Variants in MSR1 observed in about 807,000 individuals in gnomAD.
The protein encoded by MSR1 is macrophage scavenger receptor types I and II.
Under a neutral mutation model 47.2 loss-of-function variants are expected in MSR1, and 53 were observed. The observed-to-expected ratio is 1.12, with a 90% CI of 0.90 to 1.41. The LOEUF (loss-of-function observed/expected upper bound fraction) is 1.41. MSR1 is among the 40% of genes most tolerant of loss of function. The pLI, the probability that MSR1 is intolerant of heterozygous loss-of-function variation, is 0.00. For synonymous variants in MSR1, 239 were observed against 185.6 expected (o/e 1.29, Z -2.34); for missense variants, 786 against 546.9 (o/e 1.44, Z -4.36).
At chr8:16,164,842 T>G (rs1386545391) in intron 4 of MSR1, among the ~76,000 whole-genome samples, 3 of 152,060 alleles carry the variant, frequency 2.0e-5, no homozygotes, top group African/African-American at 7.2e-5. Context: ...GTATATTTTG[T>G]GTATATTTAT....
chr8:16,146,882 C>T (rs1352181658), intron 7 of MSR1, among the ~76,000 whole-genome samples: 4 of 152,136 alleles, frequency 2.6e-5, no homozygotes, highest in African/African-American at 9.7e-5. Flanking sequence ...ACTTCAGACT[C>T]ATGTGTTCAA....
intron 8 of MSR1, 133 bp from the exon 9 acceptor site, chr8:16,120,739 G>A: frequency 9.1e-7 from 1 of 1,103,938 alleles, no homozygotes; most frequent in Non-Finnish European, 1.3e-6. Context: ...TTCAACTATT[G>A]GAATAAATAT....
At chr8:16,168,964 C>A in intron 3 of MSR1, 94 bp from the exon 4 acceptor site, 1 of 1,254,878 alleles carries the variant, frequency 8.0e-7, no homozygotes, top group South Asian at 1.3e-5. Flanking sequence ...TCATTTTATT[C>A]CATTCCATTC....
At chr8:16,180,187 T>C (rs1000181117) in intron 1 of MSR1, among the ~76,000 whole-genome samples, 2 of 152,000 alleles carry the variant, frequency 1.3e-5, no homozygotes, top group African/African-American at 4.8e-5. Context: ...TCTCATTCAC[T>C]CTTTCACTTT....
chr8:16,132,227 G>C (rs939394415), intron 8 of MSR1, among the ~76,000 whole-genome samples: 1 of 151,770 alleles, frequency 6.6e-6, no homozygotes, highest in Non-Finnish European at 1.5e-5. Context: ...TGTATTCCTA[G>C]GAATTTTATT....
chr8:16,189,990 C>T (rs1802149247), intron 1 of MSR1, among the ~76,000 whole-genome samples: 1 of 144,244 alleles, frequency 6.9e-6, no homozygotes, highest in Non-Finnish European at 1.5e-5. Context: ...TCTCAGCTGA[C>T]TGAAACCTCT....
At chr8:16,134,885 T>C (rs1022913640) in intron 8 of MSR1, among the ~76,000 whole-genome samples, 1 of 152,174 alleles carries the variant, frequency 6.6e-6, no homozygotes, top group Non-Finnish European at 1.5e-5. Context: ...AAAATAACCA[T>C]GACACTCACT....
intron 8 of MSR1, among the ~76,000 whole-genome samples, chr8:16,143,212 G>T (rs567720761): frequency 6.6e-6 from 1 of 152,116 alleles, no homozygotes; most frequent in Non-Finnish European, 1.5e-5. Flanking sequence ...GTTTCATTTA[G>T]TAAGGAAGGA....
chr8:16,173,793 C>T lies in MSR1; in HGVS notation c.217+1394G>A, dbSNP rs374533807. ...CCTCCCGAGTAGCTGGGACTACAGG[C>T]ACCCGCCACCACTCCTGGCTAATTT... On this transcript the variant is annotated intron_variant, in intron 3 of 9. Coordinates refer to ENST00000262101, the MANE Select transcript of MSR1 (RefSeq NM_138715.3). 2.2e-4 allele frequency among the ~76,000 whole-genome samples: 34 copies of T among 152,176 alleles called. No individual in the cohort carries two copies. In the East Asian group the frequency reaches 6.0e-3, roughly 27 times the overall value.
At chr8:16,177,437 G>A (rs1801682964) in intron 2 of MSR1, among the ~76,000 whole-genome samples, 1 of 152,030 alleles carries the variant, frequency 6.6e-6, no homozygotes, top group African/African-American at 2.4e-5. Context: ...GGCACAGGAA[G>A]ATTCTTCTCT....
intron 8 of MSR1, 44 bp from the exon 9 acceptor site, chr8:16,120,650 A>T: frequency 6.5e-7 from 1 of 1,537,820 alleles, no homozygotes; most frequent in Admixed American, 2.0e-5. Context: ...AAGGCAAGCA[A>T]GGACTAATTA....
chr8:16,116,915 T>C (rs537665540), intron 9 of MSR1, among the ~76,000 whole-genome samples: 2 of 152,092 alleles, frequency 1.3e-5, no homozygotes, highest in East Asian at 3.9e-4. Context: ...AGGCTGTATG[T>C]TGCCAGCACT....
At chr8:16,183,550 C>T (rs1801900150) in intron 1 of MSR1, among the ~76,000 whole-genome samples, 1 of 142,146 alleles carries the variant, frequency 7.0e-6, no homozygotes, top group African/African-American at 2.6e-5. Flanking sequence ...TTTATATATA[C>T]ATTATATAAT....
At chr8:16,166,936 TACAC>T (rs5889636) in intron 4 of MSR1, among the ~76,000 whole-genome samples, 2,620 of 145,612 alleles carry the variant, frequency 0.018, 19 homozygotes, top group African/African-American at 0.033. Context: ...TACACAGGAG[TACAC>T]ACACACACAC....
rs748454957 is a variant in MSR1, at chr8:16,150,281, G to A, written c.929C>T (p.Ala310Val). Residue 310 changes from alanine to valine, a missense_variant, in exon 7 of 10, where the codon GCA becomes GTA. By Grantham distance (64) the Ala-to-Val change is moderately conservative. Coordinates refer to ENST00000262101, the MANE Select transcript of MSR1 (RefSeq NM_138715.3). ...GPPGLKGDRG[A>V]IGFPGSRGLP... Reference sequence around the variant, plus strand: ...TCCTCGACTTCCAGGAAAGCCAATTGCTCCCCGATCACCTTTAAGACCCGG... The same window carrying A: ...TCCTCGACTTCCAGGAAAGCCAATTACTCCCCGATCACCTTTAAGACCCGG... 6.4e-7 allele frequency: 1 copy of A among 1,568,844 alleles called. No homozygotes were observed. Among genetic ancestry groups the A allele is most frequent in the Non-Finnish European group, 8.7e-7 (1 of 1,154,978 alleles).
chr8:16,117,166 C>T (rs978167785), intron 9 of MSR1, among the ~76,000 whole-genome samples: 5 of 152,080 alleles, frequency 3.3e-5, no homozygotes, highest in African/African-American at 4.8e-5. Context: ...TATTTACTGC[C>T]GCTCCCTATC....
chr8:16,157,134 C>A (rs533855403), intron 5 of MSR1, among the ~76,000 whole-genome samples: 1 of 151,920 alleles, frequency 6.6e-6, no homozygotes, highest in African/African-American at 2.4e-5. Context: ...CAAAGCAAGA[C>A]GCAGACATTC....
chr8:16,168,516 T>G lies in MSR1; in HGVS notation c.572A>C (p.Gln191Pro). The change falls in exon 4 of 10, where the codon CAG becomes CCG. Residue 191 changes from glutamine (Q) to proline (P), a missense_variant. Gln to Pro is a moderately conservative substitution (Grantham distance 76). Transcript: ENST00000262101. ...ISLNTTLLDL[Q>P]LNIENLNGKI... ...GCCATTCAGATTTTCTATGTTGAGC[T>G]GCAAATCAAGCAATGTGGTATTCAA... The G allele has an allele frequency of 6.2e-7, 1 of 1,614,150 alleles. No individual in the cohort carries two copies. The highest frequency in any genetic ancestry group is 1.3e-5 in the African/African-American group (1 of 75,066).
chr8:16,159,513 GA>G (rs1284327233), intron 5 of MSR1, among the ~76,000 whole-genome samples: 2 of 151,754 alleles, frequency 1.3e-5, no homozygotes, highest in Non-Finnish European at 2.9e-5. Flanking sequence ...TAATATAAGG[GA>G]AAAGAGAACA....
Sources: gnomAD v4.1 joint callset for allele counts (sites outside exome capture counted in the v4.1 genomes callset) on GRCh38, gnomAD v4.1.1 for gene constraint, MANE v1.5 for transcripts, NCBI Gene and HGNC (gene_info 2026-07-23, HGNC 2026-07-21) for gene names.